BNC2: variants seen among roughly 807,000 people sequenced by gnomAD.
The protein encoded by BNC2 is basonuclin zinc finger protein 2.
A neutral mutation model predicts 76.3 loss-of-function variants in BNC2; 20 were observed. That is an observed-to-expected ratio of 0.26 (90% CI 0.18 to 0.38). The LOEUF is 0.38. Ranked by LOEUF, BNC2 falls within the 10% of genes least tolerant of loss-of-function variation. BNC2 has a pLI of 1.00. For missense variants in BNC2, 1,382 were observed against 1,399.8 expected, an observed-to-expected ratio of 0.99 and a Z score of 0.20; for synonymous variants, 582 against 514.8, an observed-to-expected ratio of 1.13 and a Z score of -1.77.
At chr9:16,788,130 C>T (rs758273483) in intron 1 of BNC2, among the ~76,000 whole-genome samples, 1 of 152,204 alleles carries the variant, frequency 6.6e-6, no homozygotes, top group Non-Finnish European at 1.5e-5. Flanking sequence ...TTTGTGACAA[C>T]TGAACTCTCT....
At chr9:16,421,263 T>C in intron 6 of BNC2, 1 of 1,300,632 alleles carries the variant, frequency 7.7e-7, no homozygotes. Flanking sequence ...TGAGCTTACC[T>C]TGTGACAATA....
At chr9:16,693,809 C>G (rs1334031009) in intron 3 of BNC2, among the ~76,000 whole-genome samples, 2 of 152,160 alleles carry the variant, frequency 1.3e-5, no homozygotes, top group Non-Finnish European at 2.9e-5. Flanking sequence ...GTGGTAAGGC[C>G]AACTCCACAT....
chr9:16,471,555 G>C (rs760597856), intron 5 of BNC2, among the ~76,000 whole-genome samples: 2 of 152,150 alleles, frequency 1.3e-5, no homozygotes, highest in Non-Finnish European at 2.9e-5. Flanking sequence ...GCCACCCAAA[G>C]TGCCAGGATT....
At chr9:16,527,991 A>G (rs1303542409) in intron 5 of BNC2, among the ~76,000 whole-genome samples, 1 of 152,210 alleles carries the variant, frequency 6.6e-6, no homozygotes, top group African/African-American at 2.4e-5. Context: ...GAACAGCTTT[A>G]TAATTTTTCC....
intron 3 of BNC2, among the ~76,000 whole-genome samples, chr9:16,709,034 G>A (rs899664603): frequency 2.6e-5 from 4 of 152,142 alleles, no homozygotes; most frequent in Admixed American, 6.5e-5. Context: ...TATCAAAAAC[G>A]CACGCAAAGG....
At chr9:16,573,641 G>T (rs1334439893) in intron 4 of BNC2, among the ~76,000 whole-genome samples, 3 of 152,174 alleles carry the variant, frequency 2.0e-5, no homozygotes, top group Non-Finnish European at 2.9e-5. Flanking sequence ...AGAAGGCAAA[G>T]AGGCCCATGA....
intron 5 of BNC2, among the ~76,000 whole-genome samples, chr9:16,548,484 C>A (rs1818558438): frequency 6.6e-6 from 1 of 151,876 alleles, no homozygotes; most frequent in South Asian, 2.1e-4. Context: ...TGGCTCACTG[C>A]AACCTCTGCT....
At chr9:16,602,990 T>TC (rs1288057004) in intron 3 of BNC2, among the ~76,000 whole-genome samples, 1 of 152,244 alleles carries the variant, frequency 6.6e-6, no homozygotes, top group Non-Finnish European at 1.5e-5. Flanking sequence ...CTATGAGTTA[T>TC]CCACTGAATT....
rs771971977 is a variant in BNC2, at chr9:16,828,925, G to A, written c.3+41721C>T. 4.6e-5 allele frequency among the ~76,000 whole-genome samples: 7 copies of A among 151,620 alleles called. 1 individual carries two copies. The highest frequency in any genetic ancestry group is 2.6e-4 in the Admixed American group (4 of 15,214). ...TAAACACATCTGATGGACAGCGTAT[G>A]ACTAGATGGCCCCGAAGCGACTCCA... On this transcript the variant is annotated intron_variant, in intron 1 of 6. Transcript: ENST00000380672.
chr9:16,795,331 C>T (rs1182741156), intron 1 of BNC2, among the ~76,000 whole-genome samples: 2 of 151,114 alleles, frequency 1.3e-5, no homozygotes, highest in East Asian at 3.9e-4. Context: ...CACGCCTCTA[C>T]ACACAACAGA....
chr9:16,580,386 T>G (rs1364353801), intron 4 of BNC2, among the ~76,000 whole-genome samples: 1 of 152,172 alleles, frequency 6.6e-6, no homozygotes, highest in Admixed American at 6.5e-5. Flanking sequence ...AGGAAAGAAT[T>G]AGAATACATT....
intron 5 of BNC2, among the ~76,000 whole-genome samples, chr9:16,537,888 G>A (rs550978039): frequency 3.3e-5 from 5 of 152,148 alleles, no homozygotes; most frequent in African/African-American, 1.2e-4. Flanking sequence ...CTTTTATAAA[G>A]TTCCTTTTTA....
intron 1 of BNC2, among the ~76,000 whole-genome samples, chr9:16,757,643 A>G (rs1376434427): frequency 2.1e-5 from 1 of 48,394 alleles, no homozygotes; most frequent in Non-Finnish European, 8.4e-5. Flanking sequence ...TTGACTATGT[A>G]ATTTTACTGT....
chr9:16,745,447 G>GT (rs1824973260), intron 1 of BNC2, among the ~76,000 whole-genome samples: 1 of 152,210 alleles, frequency 6.6e-6, no homozygotes, highest in Non-Finnish European at 1.5e-5. Flanking sequence ...TAAAGATATG[G>GT]TAACAGAAAC....
chr9:16,490,858 A>G (rs1822264178), intron 5 of BNC2, among the ~76,000 whole-genome samples: 1 of 152,208 alleles, frequency 6.6e-6, no homozygotes, highest in South Asian at 2.1e-4. Flanking sequence ...TCATGTCAGA[A>G]TGAGCAGTCC....
At chr9:16,630,920 G>C (rs938484060) in intron 3 of BNC2, among the ~76,000 whole-genome samples, 1 of 151,904 alleles carries the variant, frequency 6.6e-6, no homozygotes, top group Non-Finnish European at 1.5e-5. Flanking sequence ...TGTATTTTTA[G>C]TAGAGACGGG....
chr9:16,763,039 A>G (rs528866396), intron 1 of BNC2, among the ~76,000 whole-genome samples: 2 of 152,276 alleles, frequency 1.3e-5, no homozygotes, highest in African/African-American at 2.4e-5. Context: ...GATCACAGTT[A>G]AGGGGCTGCT....
intron 1 of BNC2, among the ~76,000 whole-genome samples, chr9:16,837,425 A>G (rs1345182981): frequency 1.3e-5 from 2 of 152,120 alleles, no homozygotes; most frequent in Non-Finnish European, 2.9e-5. Flanking sequence ...AATCACTTGA[A>G]CCTTGCAGGC....
intron 5 of BNC2, among the ~76,000 whole-genome samples, chr9:16,502,558 C>T (rs373512307): frequency 3.3e-5 from 5 of 152,094 alleles, no homozygotes; most frequent in African/African-American, 9.6e-5. Flanking sequence ...TTTTTCCCCC[C>T]CTCTTACTTC....
Sources: allele counts gnomAD v4.1 joint callset (sites outside exome capture counted in the v4.1 genomes callset), GRCh38; gene constraint gnomAD v4.1.1; transcripts MANE v1.5; gene names NCBI Gene and HGNC (gene_info 2026-07-23, HGNC 2026-07-21).